PAQR5: variants seen among roughly 807,000 people sequenced by gnomAD.
PAQR5 encodes progestin and adipoQ receptor family member 5, also known as membrane progestin receptor gamma.
Under a neutral mutation model 34.5 loss-of-function variants are expected in PAQR5, and 20 were observed. That is an observed-to-expected ratio of 0.58 (90% CI 0.41 to 0.84). The LOEUF (loss-of-function observed/expected upper bound fraction) is 0.84, where lower values mean the gene tolerates loss of function less well. Ranked by LOEUF, PAQR5 falls within the 40% of genes least tolerant of loss-of-function variation. PAQR5 has a pLI of 0.00. For synonymous variants in PAQR5, 131 were observed against 155.6 expected, an observed-to-expected ratio of 0.84 and a Z score of 1.18; for missense variants, 378 against 412.7, an observed-to-expected ratio of 0.92 and a Z score of 0.73.
intron 3 of PAQR5, among the ~76,000 whole-genome samples, chr15:69,368,506 C>T (rs1171965642): frequency 6.6e-6 from 1 of 152,200 alleles, no homozygotes; most frequent in Non-Finnish European, 1.5e-5. Context: ...AAACTGATGA[C>T]TCAATAATGC....
chr15:69,314,211 A>G (rs1286811717), intron 1 of PAQR5, among the ~76,000 whole-genome samples: 1 of 152,082 alleles, frequency 6.6e-6, no homozygotes, highest in Non-Finnish European at 1.5e-5. Flanking sequence ...TAAGTGGAAA[A>G]AAAAAAAGGA....
chr15:69,372,269 C>T (rs1029836024), intron 3 of PAQR5, among the ~76,000 whole-genome samples: 9 of 152,190 alleles, frequency 5.9e-5, no homozygotes, highest in African/African-American at 2.2e-4. Context: ...TTTGGCCAGG[C>T]GCGGTGGCTC....
At chr15:69,379,469 C>G (rs977565643) in intron 3 of PAQR5, 3 of 985,404 alleles carry the variant, frequency 3.0e-6, no homozygotes, top group Admixed American at 6.1e-5. Flanking sequence ...GTTCTTCCCA[C>G]CAGCCCCTGA....
intron 1 of PAQR5, among the ~76,000 whole-genome samples, chr15:69,302,511 A>G (rs954819237): frequency 1.3e-5 from 2 of 152,144 alleles, no homozygotes; most frequent in African/African-American, 4.8e-5. Flanking sequence ...TGTCTTGTTC[A>G]TCGAAGGCCA....
At chr15:69,372,239 T>C (rs1228367305) in intron 3 of PAQR5, among the ~76,000 whole-genome samples, 1 of 152,040 alleles carries the variant, frequency 6.6e-6, no homozygotes, top group Non-Finnish European at 1.5e-5. Context: ...AATATTGTGC[T>C]GCACGTAAAA....
At chr15:69,392,924 TAC>T (rs2056311954) in intron 6 of PAQR5, among the ~76,000 whole-genome samples, 2 of 151,852 alleles carry the variant, frequency 1.3e-5, no homozygotes, top group African/African-American at 2.4e-5. Context: ...GGAGAGCAGC[TAC>T]AGAGGGGCTT....
chr15:69,351,521 T>G (rs533905572), intron 2 of PAQR5, among the ~76,000 whole-genome samples: 3 of 152,372 alleles, frequency 2.0e-5, no homozygotes, highest in African/African-American at 7.2e-5. Context: ...AGAAGCAACT[T>G]GCTCTCAGCT....
Position 69,360,012 on chromosome 15 carries a change from A to T in PAQR5, c.-69A>T. The T allele has an allele frequency of 8.1e-7, 1 of 1,241,858 alleles. No homozygotes were observed. Among genetic ancestry groups the T allele is most frequent in the Non-Finnish European group, 1.2e-6 (1 of 843,068 alleles). 76.9% of individuals were successfully genotyped at this position (1,241,858 alleles called of 1,614,324 possible). The stretch of plus-strand genomic sequence containing the variant: ...AGGCAGAGACGCCCCAGGCCATGTT[A>T]GAGCTTTGAGTGAGGCCTGGTAACA... On this transcript the variant is annotated 5_prime_UTR_variant, in exon 3 of 9. Coordinates refer to ENST00000395407, the MANE Select transcript of PAQR5 (RefSeq NM_017705.4).
chr15:69,392,770 A>T (rs1302850681), intron 6 of PAQR5, among the ~76,000 whole-genome samples: 1 of 151,418 alleles, frequency 6.6e-6, no homozygotes, highest in African/African-American at 2.4e-5. Context: ...TTAGGACTGG[A>T]TATTGAAGGA....
At position 69,406,898 on chromosome 15, in the gene PAQR5, G is replaced by A. The variant is rs922443259; in HGVS notation, c.*3076G>A. ...AAAAAAAAAAAAAGAATTTGTAATTGTTGGTAGGATGTTATGGGAAATTTA... is the reference window on the plus strand; with the variant it reads ...AAAAAAAAAAAAAGAATTTGTAATTATTGGTAGGATGTTATGGGAAATTTA... On this transcript the variant is annotated 3_prime_UTR_variant, in exon 9 of 9. Coordinates refer to ENST00000395407, the MANE Select transcript of PAQR5 (RefSeq NM_017705.4). 1.3e-5 allele frequency: 2 copies of A among 151,810 alleles called. No homozygotes were observed. The highest frequency in any genetic ancestry group is 2.4e-5 in the African/African-American group (1 of 41,316). The allele number at this position is 151,810 out of a possible 1,614,324, so 9.4% of individuals were successfully genotyped here.
At chr15:69,397,168 T>C in intron 6 of PAQR5, 2 of 485,442 alleles carry the variant, frequency 4.1e-6, no homozygotes, top group South Asian at 3.1e-5. Flanking sequence ...GGCAGTTACA[T>C]AACTTGGCCC....
intron 1 of PAQR5, among the ~76,000 whole-genome samples, chr15:69,336,767 T>A (rs891924915): frequency 1.3e-5 from 2 of 152,236 alleles, no homozygotes; most frequent in Non-Finnish European, 2.9e-5. Context: ...TTCTTTGGAC[T>A]GTATTTGTAT....
chr15:69,367,440 G>C (rs183632401), intron 3 of PAQR5, among the ~76,000 whole-genome samples: 2 of 152,054 alleles, frequency 1.3e-5, no homozygotes, highest in Admixed American at 6.6e-5. Context: ...CATATAGCTC[G>C]GTGACTTAAC....
At chr15:69,359,032 G>A (rs2055158061) in intron 2 of PAQR5, among the ~76,000 whole-genome samples, 2 of 152,240 alleles carry the variant, frequency 1.3e-5, no homozygotes, top group East Asian at 3.9e-4. Flanking sequence ...CTGGAGGCTG[G>A]GAAGTCCAAG....
Position 69,404,900 on chromosome 15 carries a change from T to C in PAQR5, c.*1078T>C, listed in dbSNP as rs2056732906. On this transcript the variant is annotated 3_prime_UTR_variant, in exon 9 of 9. Coordinates refer to ENST00000395407, the MANE Select transcript of PAQR5 (RefSeq NM_017705.4). ...TAGGTTTTGTAGAGGAGATCTGCAC[T>C]GGAGCAAGTCTCCCAGATGATTCTA... The C allele has an allele frequency of 5.0e-6, 2 of 398,570 alleles. No homozygotes were observed. The highest frequency in any genetic ancestry group is 8.8e-6 in the Non-Finnish European group (2 of 226,022). The allele number at this position is 398,570 out of a possible 1,614,324, so 24.7% of individuals were successfully genotyped here. A position where few individuals can be genotyped will look rare whatever the true frequency, so the allele number is the denominator to read the frequency against.
At chr15:69,334,741 G>C (rs529610288) in intron 1 of PAQR5, among the ~76,000 whole-genome samples, 19 of 152,032 alleles carry the variant, frequency 1.2e-4, no homozygotes, top group Non-Finnish European at 1.5e-5. Context: ...GGTAAAAGAT[G>C]ATCAGAAGGC....
At chr15:69,316,163 C>T (rs925537270) in intron 1 of PAQR5, among the ~76,000 whole-genome samples, 1 of 152,110 alleles carries the variant, frequency 6.6e-6, no homozygotes, top group Non-Finnish European at 1.5e-5. Context: ...TCACTGCAAC[C>T]TCTGCCTCCT....
At chr15:69,305,411 G>A (rs1438729993) in intron 1 of PAQR5, among the ~76,000 whole-genome samples, 6 of 152,110 alleles carry the variant, frequency 3.9e-5, no homozygotes, top group Non-Finnish European at 8.8e-5. Context: ...CACGTGGGGT[G>A]TGCAAGGACT....
At chr15:69,395,484 C>T (rs941852351) in intron 6 of PAQR5, among the ~76,000 whole-genome samples, 1 of 152,194 alleles carries the variant, frequency 6.6e-6, no homozygotes, top group Non-Finnish European at 1.5e-5. Flanking sequence ...TGGAGCTCCA[C>T]GATGCATGTG....
Sources: allele counts gnomAD v4.1 joint callset (sites outside exome capture counted in the v4.1 genomes callset), GRCh38; gene constraint gnomAD v4.1.1; transcripts MANE v1.5; gene names NCBI Gene and HGNC (gene_info 2026-07-23, HGNC 2026-07-21).